Variants in GRAMD1B observed in about 807,000 individuals in gnomAD.
The protein encoded by GRAMD1B is GRAM domain containing 1B.
Under a neutral mutation model 99.7 loss-of-function variants are expected in GRAMD1B, and 37 were observed. That is an observed-to-expected ratio of 0.37 (90% CI 0.29 to 0.49). The LOEUF is 0.49. Ranked by LOEUF, GRAMD1B falls within the 20% of genes least tolerant of loss-of-function variation. GRAMD1B has a pLI of 0.98. For missense variants in GRAMD1B, 888 were observed against 1,009.2 expected, an observed-to-expected ratio of 0.88 and a Z score of 1.63; for synonymous variants, 427 against 387.6, an observed-to-expected ratio of 1.10 and a Z score of -1.19.
At chr11:123,487,882 C>T (rs959077935) in intron 2 of GRAMD1B, among the ~76,000 whole-genome samples, 2 of 152,352 alleles carry the variant, frequency 1.3e-5, no homozygotes, top group East Asian at 1.9e-4. Context: ...TCTGGGATTA[C>T]AGACGTGAGC....
intron 1 of GRAMD1B, among the ~76,000 whole-genome samples, chr11:123,373,335 C>A (rs1946590245): frequency 6.6e-6 from 1 of 152,046 alleles, no homozygotes; most frequent in Non-Finnish European, 1.5e-5. Context: ...TTTCTGATGG[C>A]CAGTCAACTG....
intron 10 of GRAMD1B, among the ~76,000 whole-genome samples, chr11:123,606,381 G>C (rs1428111521): frequency 6.6e-6 from 1 of 152,260 alleles, no homozygotes; most frequent in Non-Finnish European, 1.5e-5. Flanking sequence ...TGGGGAGCTT[G>C]TTGTGCTGTT....
chr11:123,367,556 C>T (rs149434874), intron 1 of GRAMD1B, among the ~76,000 whole-genome samples: 99 of 152,276 alleles, frequency 6.5e-4, no homozygotes, highest in Admixed American at 1.2e-3. Flanking sequence ...AGGTACTTGA[C>T]GTGTTCGCAA....
chr11:123,625,854 G>T lies in GRAMD1B; in HGVS notation c.*3259G>T, dbSNP rs1316785163. The T allele has an allele frequency of 6.6e-6, 1 of 151,910 alleles. No individual in the cohort carries two copies. The highest frequency in any genetic ancestry group is 2.4e-5 in the African/African-American group (1 of 41,276). The allele number at this position is 151,910 out of a possible 1,614,324, so 9.4% of individuals were successfully genotyped here. ...TTCCCAGTATTTAGAGGTGTGGTAG[G>T]GCAGTGTCTGCATTCCCAGGAGACC... On this transcript the variant is annotated 3_prime_UTR_variant, in exon 20 of 20. Coordinates refer to ENST00000635736, the MANE Select transcript of GRAMD1B (RefSeq NM_001387025.1).
chr11:123,566,206 T>A (rs903455947), intron 2 of GRAMD1B, among the ~76,000 whole-genome samples: 15 of 152,126 alleles, frequency 9.9e-5, no homozygotes, highest in African/African-American at 3.4e-4. Flanking sequence ...TGCAACAGAC[T>A]AAAAACACAG....
At position 123,610,090 on chromosome 11, in the gene GRAMD1B, G is replaced by A. The variant is rs1009410984; in HGVS notation, c.1777-106G>A. The A allele has an allele frequency of 3.0e-6, 3 of 1,007,264 alleles. No homozygotes were observed. The highest frequency in any genetic ancestry group is 1.6e-5 in the African/African-American group (1 of 62,646). The allele number at this position is 1,007,264 out of a possible 1,614,324, so 62.4% of individuals were successfully genotyped here. A position where few individuals can be genotyped will look rare whatever the true frequency, so the allele number is the denominator to read the frequency against. ...TGATTCCAGTGATCCTGGTTCTCCTGTTCAGAAGCCGTGGGGTGGGGTGGG... is the reference window on the plus strand; with the variant it reads ...TGATTCCAGTGATCCTGGTTCTCCTATTCAGAAGCCGTGGGGTGGGGTGGG... On this transcript the variant is annotated intron_variant, in intron 13 of 19. Transcript: ENST00000635736. This position sits in a 1 kb window ranked among gnomAD's most constrained non-coding sequence, Gnocchi z 4.1.
At chr11:123,374,631 C>T (rs911846724) in intron 1 of GRAMD1B, among the ~76,000 whole-genome samples, 2 of 152,196 alleles carry the variant, frequency 1.3e-5, no homozygotes, top group Non-Finnish European at 2.9e-5. Context: ...GTGTACTTGT[C>T]TGCTATTTGG....
intron 11 of GRAMD1B, chr11:123,608,424 A>G: frequency 7.8e-7 from 1 of 1,282,642 alleles, no homozygotes; most frequent in Non-Finnish European, 1.1e-6. Flanking sequence ...CTTTGTAAAG[A>G]AGGAATGGGT....
At chr11:123,389,381 G>T (rs7933341) in intron 1 of GRAMD1B, among the ~76,000 whole-genome samples, 5 of 149,260 alleles carry the variant, frequency 3.3e-5, no homozygotes, top group African/African-American at 1.2e-4. Context: ...CAGAGTCCAT[G>T]TCAAAAAAAA....
At chr11:123,508,671 A>G (rs1250358945) in intron 2 of GRAMD1B, among the ~76,000 whole-genome samples, 1 of 151,848 alleles carries the variant, frequency 6.6e-6, no homozygotes, top group Non-Finnish European at 1.5e-5. Flanking sequence ...AAGGTAATAA[A>G]TGATCACACA....
chr11:123,514,968 A>G (rs1015464717), intron 2 of GRAMD1B, among the ~76,000 whole-genome samples: 2 of 152,238 alleles, frequency 1.3e-5, no homozygotes, highest in Non-Finnish European at 2.9e-5. Context: ...ATGCTCAATA[A>G]ATATTTGGTG....
chr11:123,533,038 C>T (rs1023134592), intron 2 of GRAMD1B, among the ~76,000 whole-genome samples: 4 of 152,318 alleles, frequency 2.6e-5, no homozygotes, highest in East Asian at 1.9e-4. Context: ...GGTGCGATCT[C>T]GGCTTATCAC....
At position 123,625,973 on chromosome 11, in the gene GRAMD1B, A is replaced by AGAGAGAGAGAGAGAGC. The variant is rs34697633; in HGVS notation, c.*3386_*3387insGAGAGAGCGAGAGAGA. ...GAGAGAGAGAGAGAGAGAGAGAGAG[A>AGAGAGAGAGAGAGAGC]GAGAGAGATCGAGCTTGATGTATTG... On this transcript the variant is annotated 3_prime_UTR_variant, in exon 20 of 20. Coordinates refer to ENST00000635736, the MANE Select transcript of GRAMD1B (RefSeq NM_001387025.1). The AGAGAGAGAGAGAGAGC allele has an allele frequency of 5.7e-5, 8 of 139,744 alleles. No individual in the cohort carries two copies. Among genetic ancestry groups the AGAGAGAGAGAGAGAGC allele is most frequent in the South Asian group, 5.2e-4 (2 of 3,852 alleles). The allele number at this position is 139,744 out of a possible 1,614,324, so 8.7% of individuals were successfully genotyped here. A position where few individuals can be genotyped will look rare whatever the true frequency, so the allele number is the denominator to read the frequency against.
intron 14 of GRAMD1B, among the ~76,000 whole-genome samples, chr11:123,611,996 T>A (rs1791990): frequency 1.1e-4 from 17 of 151,828 alleles, no homozygotes; most frequent in Non-Finnish European, 2.4e-4. Context: ...GTGTGACCAG[T>A]GACTGGGAGC....
chr11:123,586,984 G>C (rs1950142629), intron 4 of GRAMD1B, among the ~76,000 whole-genome samples: 1 of 152,222 alleles, frequency 6.6e-6, no homozygotes, highest in Non-Finnish European at 1.5e-5. Flanking sequence ...TGGAGTCAGG[G>C]CAGTGAGGGC....
chr11:123,610,018 C>T lies in GRAMD1B; in HGVS notation c.1776+105C>T. 1.2e-6 allele frequency: 1 copy of T among 825,392 alleles called. No homozygotes were observed. The highest frequency in any genetic ancestry group is 1.6e-5 in the South Asian group (1 of 64,184). 51.1% of individuals were successfully genotyped at this position (825,392 alleles called of 1,614,324 possible). ...GGAAGAAGTTTCAGGGCGCAAGTGT[C>T]ATTTTGCCCCAAAGCGGTGGTGGCG... On this transcript the variant is annotated intron_variant, in intron 13 of 19. Coordinates refer to ENST00000635736, the MANE Select transcript of GRAMD1B (RefSeq NM_001387025.1). The surrounding 1 kb of genome is among the most constrained non-coding windows in gnomAD (Gnocchi z 4.1).
intron 1 of GRAMD1B, among the ~76,000 whole-genome samples, chr11:123,433,675 CGTGCGTGTGT>C (rs1212811449): frequency 0.01 from 1,004 of 97,096 alleles, 9 homozygotes; most frequent in South Asian, 0.027. Flanking sequence ...TAAAATGTTA[CGTGCGTGTGT>C]GTGTGTGTGT....
At chr11:123,390,625 A>G (rs1947243981) in intron 1 of GRAMD1B, among the ~76,000 whole-genome samples, 1 of 152,220 alleles carries the variant, frequency 6.6e-6, no homozygotes, top group South Asian at 2.1e-4. Context: ...TCCATATAGA[A>G]TATATGTCAA....
At chr11:123,525,465 A>C (rs1361914947) in intron 2 of GRAMD1B, among the ~76,000 whole-genome samples, 1 of 152,148 alleles carries the variant, frequency 6.6e-6, no homozygotes, top group Non-Finnish European at 1.5e-5. Context: ...GGATGCTGAC[A>C]GAAGTGCTCA....
Sources: gnomAD v4.1 joint callset for allele counts (sites outside exome capture counted in the v4.1 genomes callset) on GRCh38, gnomAD v4.1.1 for gene constraint, Gnocchi (gnomAD v3.1) non-coding constraint, MANE v1.5 for transcripts, NCBI Gene and HGNC (gene_info 2026-07-23, HGNC 2026-07-21) for gene names.